The following H6PD variants were observed in gnomAD, a reference collection of about 807,000 sequenced individuals.
The protein encoded by H6PD is GDH/6PGL endoplasmic bifunctional protein.
H6PD carries 48 observed loss-of-function variants against 61.2 expected under a neutral mutation model. The observed-to-expected ratio is 0.78, with a 90% confidence interval of 0.62 to 1.00. The LOEUF (loss-of-function observed/expected upper bound fraction) is 1.00. Among genes scored for constraint, H6PD ranks in the 50% least tolerant of loss-of-function variants. The pLI is 0.00. For missense variants in H6PD, 1,093 were observed against 1,065.0 expected, an observed-to-expected ratio of 1.03 and a Z score of -0.37; for synonymous variants, 480 against 457.9, an observed-to-expected ratio of 1.05 and a Z score of -0.62.
chr1:9,262,347 C>G lies in H6PD; in HGVS notation c.1015+19C>G. 6.3e-7 allele frequency: 1 copy of G among 1,590,652 alleles called. No individual in the cohort carries two copies. Among genetic ancestry groups the G allele is most frequent in the Non-Finnish European group, 8.6e-7 (1 of 1,168,438 alleles). ...TTCGCAGGTGGGCCCTGGGGCTGGG[C>G]ATGGGGCACTGGGCTGCCCACTTCG... On this transcript the variant is annotated intron_variant, in intron 4 of 4. Coordinates refer to ENST00000377403, the MANE Select transcript of H6PD (RefSeq NM_004285.4).
chr1:9,260,135 G>A (rs1003692804), intron 3 of H6PD, among the ~76,000 whole-genome samples: 10 of 151,726 alleles, frequency 6.6e-5, no homozygotes, highest in Non-Finnish European at 1.5e-4. Flanking sequence ...TTACGTTGCT[G>A]TTAGCTGGTG....
At chr1:9,252,477 T>C (rs1023973799) in intron 3 of H6PD, among the ~76,000 whole-genome samples, 4 of 152,156 alleles carry the variant, frequency 2.6e-5, no homozygotes, top group African/African-American at 7.2e-5. Context: ...CAAGTGATCC[T>C]CTCTTGCTTT....
intron 3 of H6PD, among the ~76,000 whole-genome samples, chr1:9,252,785 T>C (rs1434867104): frequency 6.6e-6 from 1 of 152,094 alleles, no homozygotes; most frequent in Non-Finnish European, 1.5e-5. Flanking sequence ...CTGTTATGAG[T>C]CTGAGCAGCA....
At chr1:9,258,377 T>G (rs918172672) in intron 3 of H6PD, among the ~76,000 whole-genome samples, 2 of 152,222 alleles carry the variant, frequency 1.3e-5, no homozygotes, top group South Asian at 2.1e-4. Context: ...TACACTGGTG[T>G]TGTCATTCTT....
chr1:9,237,103 AT>A (rs1448981411), intron 1 of H6PD, among the ~76,000 whole-genome samples: 2 of 151,926 alleles, frequency 1.3e-5, no homozygotes, highest in African/African-American at 4.8e-5. Flanking sequence ...TGTAAATGTA[AT>A]ACAGTGTTTT....
At chr1:9,238,158 C>T (rs1640902287) in intron 1 of H6PD, among the ~76,000 whole-genome samples, 1 of 152,036 alleles carries the variant, frequency 6.6e-6, no homozygotes, top group Non-Finnish European at 1.5e-5. Context: ...GGGAGTAAAC[C>T]ACGTGGACCT....
intron 1 of H6PD, 134 bp downstream of exon 1, chr1:9,235,200 G>C (rs1479121197): frequency 3.9e-5 from 6 of 152,138 alleles, no homozygotes; most frequent in Non-Finnish European, 8.8e-5. Flanking sequence ...TGGCGGCTTT[G>C]GAACTGCTCA....
intron 3 of H6PD, among the ~76,000 whole-genome samples, chr1:9,258,280 T>C (rs953201932): frequency 6.6e-6 from 1 of 151,994 alleles, no homozygotes; most frequent in Admixed American, 6.6e-5. Context: ...TACGTTGCTG[T>C]TGTTACACCC....
chr1:9,269,797 A>G lies in H6PD; in HGVS notation c.*4928A>G, dbSNP rs1014448697. ...TCTGTCCACCGGGGAAGGCAGCAGG[A>G]ACCCTGGGCAGCGGGTGTTCTGGGA... On this transcript the variant is annotated 3_prime_UTR_variant, in exon 5 of 5. Transcript: ENST00000377403. This position sits in a 1 kb window ranked among gnomAD's most constrained non-coding sequence, Gnocchi z 4.3. The G allele has an allele frequency of 1.3e-5, 2 of 152,246 alleles. No individual in the cohort carries two copies. The highest frequency in any genetic ancestry group is 4.8e-5 in the African/African-American group (2 of 41,446). 9.4% of individuals were successfully genotyped at this position (152,246 alleles called of 1,614,324 possible). A position where few individuals can be genotyped will look rare whatever the true frequency, so the allele number is the denominator to read the frequency against.
chr1:9,264,155 G>A lies in H6PD; in HGVS notation c.1662G>A (p.Pro554=), dbSNP rs369428059. ...QVLRAKYRES[P]LVSAWSEELI... ...TCAGGGCCAAGTACCGAGAGAGCCC[G>A]CTGGTCTCCGCCTGGTCCGAGGAGC... Residue 554 remains proline, a synonymous_variant, in exon 5 of 5, where the codon CCG becomes CCA. Transcript: ENST00000377403. 366 of 1,613,028 alleles carry A rather than the reference G, an allele frequency of 2.3e-4. 1 individual carries two copies. The highest frequency in any genetic ancestry group is 2.8e-4 in the Non-Finnish European group (330 of 1,179,542).
At chr1:9,244,519 CA>C (rs1297037394) in intron 1 of H6PD, among the ~76,000 whole-genome samples, 2 of 152,204 alleles carry the variant, frequency 1.3e-5, no homozygotes, top group East Asian at 3.8e-4. Flanking sequence ...GAGGACCTGC[CA>C]CTATACCTAG....
chr1:9,236,755 A>G (rs551714335), intron 1 of H6PD, among the ~76,000 whole-genome samples: 1 of 151,648 alleles, frequency 6.6e-6, no homozygotes, highest in East Asian at 1.9e-4. Context: ...CATGCTTCCC[A>G]TCGATTTGTT....
At chr1:9,239,737 G>T (rs1381840536) in intron 1 of H6PD, 2 of 369,122 alleles carry the variant, frequency 5.4e-6, no homozygotes, top group Admixed American at 4.6e-5. Flanking sequence ...TCAAAAGCTG[G>T]GAAAGGGAAC....
At chr1:9,236,907 C>T (rs1228843810) in intron 1 of H6PD, among the ~76,000 whole-genome samples, 1 of 152,112 alleles carries the variant, frequency 6.6e-6, no homozygotes, top group African/African-American at 2.4e-5. Flanking sequence ...TTCCACGTTT[C>T]AACAAAGCAA....
At position 9,245,327 on chromosome 1, in the gene H6PD, A is replaced by G. The variant is rs1413243480; in HGVS notation, c.393A>G (p.Ala131=). The G allele has an allele frequency of 6.2e-7, 1 of 1,614,186 alleles. No individual in the cohort carries two copies. Among genetic ancestry groups the G allele is most frequent in the Non-Finnish European group, 8.5e-7 (1 of 1,180,014 alleles). The change falls in exon 2 of 5, where the codon GCA becomes GCG. Residue 131 remains alanine, a synonymous_variant. Coordinates refer to ENST00000377403, the MANE Select transcript of H6PD (RefSeq NM_004285.4). The surrounding 1 kb of genome is among the most constrained non-coding windows in gnomAD (Gnocchi z 4.8). The stretch of plus-strand genomic sequence containing the variant: ...ACATCGAGGCACAGCTCCAGCACGC[A>G]GGCCTCCGGGAGGCTGGCAGGATCT... ...NKDIEAQLQH[A]GLREAGRIFY...
chr1:9,262,478 C>T, intron 4 of H6PD, 150 bp downstream of exon 4: 1 of 774,448 alleles, frequency 1.3e-6, no homozygotes, highest in Non-Finnish European at 2.1e-6. Flanking sequence ...TCCCCTGTCT[C>T]CCTGGCCTCC....
chr1:9,246,790 T>C (rs2310925), intron 2 of H6PD, among the ~76,000 whole-genome samples, 176 bp from the exon 3 acceptor site: 73,860 of 152,032 alleles, frequency 0.49, 19,346 homozygotes, highest in African/African-American at 0.7. Flanking sequence ...GGAGGTCACT[T>C]GCAAGTTTTT....
At chr1:9,247,621 G>A (rs1347006751) in intron 3 of H6PD, among the ~76,000 whole-genome samples, 3 of 152,044 alleles carry the variant, frequency 2.0e-5, no homozygotes, top group Admixed American at 6.5e-5. Context: ...CCCTTGCCTC[G>A]TCCTTGTCCA....
intron 4 of H6PD, among the ~76,000 whole-genome samples, chr1:9,262,936 G>A (rs920282283): frequency 2.0e-5 from 3 of 152,166 alleles, no homozygotes; most frequent in South Asian, 2.1e-4. Flanking sequence ...CGGTGAAGTC[G>A]TCAGAATGAA....
Sources: allele counts gnomAD v4.1 joint callset (sites outside exome capture counted in the v4.1 genomes callset), GRCh38; gene constraint gnomAD v4.1.1; non-coding constraint Gnocchi (gnomAD v3.1); transcripts MANE v1.5; gene names NCBI Gene and HGNC (gene_info 2026-07-23, HGNC 2026-07-21).